The following STOX2 variants were observed in gnomAD, a reference collection of about 807,000 sequenced individuals.
STOX2 encodes the protein storkhead box 2.
STOX2 carries 28 observed loss-of-function variants against 60.9 expected under a neutral mutation model. The observed-to-expected ratio is 0.46, with a 90% CI of 0.34 to 0.63. The LOEUF is 0.63. Ranked by LOEUF, STOX2 falls within the 30% of genes least tolerant of loss-of-function variation. The pLI, the probability that STOX2 is intolerant of heterozygous loss-of-function variation, is 0.01. For missense variants in STOX2, 1,024 were observed against 1,187.7 expected (o/e 0.86, Z 2.03); for synonymous variants, 472 against 463.9 (o/e 1.02, Z -0.22).
chr4:183,968,605 G>T (rs1338146224), intron 1 of STOX2, among the ~76,000 whole-genome samples: 2 of 152,240 alleles, frequency 1.3e-5, no homozygotes, highest in Non-Finnish European at 2.9e-5. Flanking sequence ...TTGGGAGACA[G>T]AAATCCTGCC....
intron 1 of STOX2, among the ~76,000 whole-genome samples, chr4:183,964,010 C>G (rs1743490489): frequency 6.7e-6 from 1 of 149,436 alleles, no homozygotes; most frequent in African/African-American, 2.5e-5. Flanking sequence ...CTCCTGACCT[C>G]GTCATCTGCC....
intron 1 of STOX2, among the ~76,000 whole-genome samples, chr4:183,873,898 G>A (rs1378771428): frequency 1.3e-5 from 2 of 152,194 alleles, no homozygotes; most frequent in Non-Finnish European, 2.9e-5. Context: ...GCTCTGTCAT[G>A]ACTCTGAAAC....
At position 184,017,979 on chromosome 4, in the gene STOX2, G is replaced by T. The variant is rs894321335; in HGVS notation, c.*695G>T. The T allele has an allele frequency of 1.3e-5, 2 of 152,198 alleles. No individual in the cohort carries two copies. The highest frequency in any genetic ancestry group is 2.1e-4 in the South Asian group (1 of 4,830). The allele number at this position is 152,198 out of a possible 1,614,324, so 9.4% of individuals were successfully genotyped here. ...CAGGGTTTTGTTTTGAAGTGTCACA[G>T]ATGCTTGTCTGATTTTTTTAACCTT... is the stretch of plus-strand genomic sequence containing the variant. On this transcript the variant is annotated 3_prime_UTR_variant, in exon 4 of 4. Transcript: ENST00000308497.
intron 1 of STOX2, among the ~76,000 whole-genome samples, chr4:183,858,708 C>T (rs568462500): frequency 2.6e-5 from 4 of 152,244 alleles, no homozygotes; most frequent in East Asian, 1.9e-4. Context: ...GACTTTTTCC[C>T]GTGTATCTAT....
intron 1 of STOX2, among the ~76,000 whole-genome samples, chr4:183,920,488 T>C (rs1056516707): frequency 1.3e-5 from 2 of 152,228 alleles, no homozygotes; most frequent in Non-Finnish European, 2.9e-5. Flanking sequence ...TGGACCCCAC[T>C]GTAGAAGCCT....
rs530883357 is a variant in STOX2, at chr4:183,939,737, C to T, written c.166+32781C>T. On this transcript the variant is annotated intron_variant, in intron 1 of 3. Coordinates refer to ENST00000308497, the MANE Select transcript of STOX2 (RefSeq NM_020225.3). ...TCCCAGGCTTGATTTCAGGCTCTAG[C>T]GTTCTCCCAGCTCTGGGAGCTGGGA... Among the ~76,000 whole-genome samples the T allele has an allele frequency of 7.6e-4, 116 of 152,148 alleles. No individual in the cohort carries two copies. The Middle Eastern group carries it at 0.02, about 27-fold the overall frequency.
rs79374521 is a variant in STOX2 at position 183,865,143 on chromosome 4, T to C, written c.364+67088T>C. On this transcript the variant is annotated intron_variant, in intron 1 of 2. Transcript: ENST00000513034. The surrounding 1 kb of genome is among the most constrained non-coding windows in gnomAD (Gnocchi z 4.1). ...TGCTGCCTATGGTTTATCACATATG[T>C]ACTGTCTCTGCTACTTGAGGCTCAC... is the stretch of plus-strand genomic sequence containing the variant. Among the ~76,000 whole-genome samples the C allele has an allele frequency of 3.3e-3, 509 of 152,364 alleles. 1 individual carries two copies. Among genetic ancestry groups the C allele is most frequent in the African/African-American group, 0.012 (488 of 41,582 alleles).
chr4:183,822,523 T>C (rs1330474625), intron 1 of STOX2, among the ~76,000 whole-genome samples: 1 of 152,214 alleles, frequency 6.6e-6, no homozygotes, highest in Non-Finnish European at 1.5e-5. Flanking sequence ...CAGTGACAGA[T>C]CATCAGGCAT....
chr4:183,820,589 G>GCCC (rs1739283501), intron 1 of STOX2, among the ~76,000 whole-genome samples: 2 of 152,154 alleles, frequency 1.3e-5, no homozygotes, highest in African/African-American at 4.8e-5. Flanking sequence ...TGAGTTTTGA[G>GCCC]TAAATTTCTT....
At chr4:183,812,450 A>T (rs973510593) in intron 1 of STOX2, among the ~76,000 whole-genome samples, 8 of 152,260 alleles carry the variant, frequency 5.3e-5, no homozygotes, top group Non-Finnish European at 1.0e-4. Context: ...TGTTTAAAAA[A>T]GTGCTAAAAT....
chr4:183,827,685 G>A (rs1739467024), intron 1 of STOX2, among the ~76,000 whole-genome samples: 1 of 151,852 alleles, frequency 6.6e-6, no homozygotes, highest in Admixed American at 6.6e-5. Context: ...ATTAGCAATT[G>A]TATTTACAAT....
intron 1 of STOX2, among the ~76,000 whole-genome samples, chr4:183,829,737 G>A (rs1408873578): frequency 6.6e-6 from 1 of 152,198 alleles, no homozygotes; most frequent in Non-Finnish European, 1.5e-5. Flanking sequence ...TCGACTTGCG[G>A]TTTCTGTTAC....
chr4:183,806,469 C>T lies in STOX2; in HGVS notation c.364+8414C>T, dbSNP rs1738892382. Among the ~76,000 whole-genome samples the T allele has an allele frequency of 6.6e-6, 1 of 152,152 alleles. No homozygotes were observed. The highest frequency in any genetic ancestry group is 1.5e-5 in the Non-Finnish European group (1 of 68,034). ...AGGGGTGGAATCCAGTCTGGGGCGC[C>T]CCATCTTCCTGCCGCCTGAGGTTGC... On this transcript the variant is annotated intron_variant, in intron 1 of 2. Coordinates refer to the STOX2 transcript ENST00000513034. This position sits in a 1 kb window ranked among gnomAD's most constrained non-coding sequence, Gnocchi z 4.1.
chr4:183,958,361 A>T (rs1164695152), intron 1 of STOX2, among the ~76,000 whole-genome samples: 1 of 152,142 alleles, frequency 6.6e-6, no homozygotes, highest in Non-Finnish European at 1.5e-5. Context: ...TTTCTCAGTC[A>T]CACCATATAT....
intron 1 of STOX2, among the ~76,000 whole-genome samples, chr4:183,966,675 G>A (rs1462698226): frequency 6.6e-6 from 1 of 152,232 alleles, no homozygotes; most frequent in Admixed American, 6.5e-5. Flanking sequence ...GTGCAATTTA[G>A]AGTAGTTTTC....
chr4:183,857,052 C>T (rs916192126), intron 1 of STOX2, among the ~76,000 whole-genome samples: 20 of 152,128 alleles, frequency 1.3e-4, no homozygotes, highest in African/African-American at 4.3e-4. Context: ...CCTTCCTCTC[C>T]CTTCTCTAGG....
chr4:183,938,312 C>T (rs10001824), intron 1 of STOX2, among the ~76,000 whole-genome samples: 87,393 of 152,050 alleles, frequency 0.57, 27,817 homozygotes, highest in Non-Finnish European at 0.72. Context: ...AATAGCATTG[C>T]CATCATCCAG....
In STOX2 at chr4:184,019,064, G is replaced by T. The variant is rs538858671; in HGVS notation, c.*1780G>T. ...AAGAATCCAGTCCTATACACAGTTG[G>T]ACTCATTCTTGAAACCTTTAAATGC... On this transcript the variant is annotated 3_prime_UTR_variant, in exon 4 of 4. Transcript: ENST00000308497. 6.6e-6 allele frequency: 1 copy of T among 152,164 alleles called. No individual in the cohort carries two copies. Among genetic ancestry groups the T allele is most frequent in the South Asian group, 2.1e-4 (1 of 4,830 alleles). 9.4% of individuals were successfully genotyped at this position (152,164 alleles called of 1,614,324 possible).
rs1740541148 is a variant in STOX2, at chr4:183,865,433, T to C, written c.364+67378T>C. Among the ~76,000 whole-genome samples, 1 of 152,186 alleles carries C rather than the reference T, an allele frequency of 6.6e-6. No homozygotes were observed. The highest frequency in any genetic ancestry group is 1.5e-5 in the Non-Finnish European group (1 of 68,038). ...AACTGCCACAAACATATTAAGCACA[T>C]AGAGGGTGTCAGCATCTATGAATAA... is the stretch of plus-strand genomic sequence containing the variant. On this transcript the variant is annotated intron_variant, in intron 1 of 2. Coordinates refer to the STOX2 transcript ENST00000513034. The surrounding 1 kb of genome is among the most constrained non-coding windows in gnomAD (Gnocchi z 4.1).
Sources: allele counts gnomAD v4.1 joint callset (sites outside exome capture counted in the v4.1 genomes callset), GRCh38; gene constraint gnomAD v4.1.1; non-coding constraint Gnocchi (gnomAD v3.1); transcripts MANE v1.5; gene names NCBI Gene and HGNC (gene_info 2026-07-23, HGNC 2026-07-21).